Variants in CSTF1 observed in about 807,000 individuals in gnomAD.
CSTF1 encodes the protein cleavage stimulation factor subunit 1, also known as CF-1 50 kDa subunit.
A neutral mutation model predicts 40.9 loss-of-function variants in CSTF1; 2 were observed. The ratio of observed to expected loss-of-function variants is 0.05; its 90% CI spans 0.02 to 0.15. CSTF1 has a LOEUF of 0.15. Among genes scored for constraint, CSTF1 ranks in the 10% least tolerant of loss-of-function variants. CSTF1 has a pLI of 1.00. For synonymous variants in CSTF1, 218 were observed against 207.2 expected, an observed-to-expected ratio of 1.05 and a Z score of -0.45; for missense variants, 279 against 558.9, an observed-to-expected ratio of 0.50 and a Z score of 5.05.
chr20:56,397,976 A>G lies in CSTF1; in HGVS notation c.645+135A>G, dbSNP rs187829047. Reference sequence around the variant, plus strand: ...CAGACCAGGATGCATGCCCGATGGCACATGGATCAGATTTTGTTGGCACAT... The same window carrying G: ...CAGACCAGGATGCATGCCCGATGGCGCATGGATCAGATTTTGTTGGCACAT... On this transcript the variant is annotated intron_variant, in intron 4 of 5. Coordinates refer to ENST00000217109, the MANE Select transcript of CSTF1 (RefSeq NM_001324.3). This position sits in a 1 kb window ranked among gnomAD's most constrained non-coding sequence, Gnocchi z 4.4. 1.3e-5 allele frequency: 9 copies of G among 691,472 alleles called. No homozygotes were observed. Among genetic ancestry groups the G allele is most frequent in the Admixed American group, 2.8e-5 (1 of 35,982 alleles). The allele number at this position is 691,472 out of a possible 1,614,324, so 42.8% of individuals were successfully genotyped here. A position where few individuals can be genotyped will look rare whatever the true frequency, so the allele number is the denominator to read the frequency against.
At position 56,397,860 on chromosome 20, in the gene CSTF1, G is replaced by A. The variant is rs1987563099; in HGVS notation, c.645+19G>A. On this transcript the variant is annotated intron_variant, in intron 4 of 5. Transcript: ENST00000217109. The surrounding 1 kb of genome is among the most constrained non-coding windows in gnomAD (Gnocchi z 4.4). The stretch of plus-strand genomic sequence containing the variant: ...CATTCAGGTAGGAATCTTTAGAAAG[G>A]AGCTTTACATTTTTTCTTAAATACA... 2 of 1,571,286 alleles carry A rather than the reference G, an allele frequency of 1.3e-6. No homozygotes were observed. Among genetic ancestry groups the A allele is most frequent in the East Asian group, 4.5e-5 (2 of 44,690 alleles).
intron 4 of CSTF1, among the ~76,000 whole-genome samples, chr20:56,398,673 A>G (rs998806086): frequency 3.3e-5 from 5 of 152,332 alleles, no homozygotes; most frequent in Non-Finnish European, 4.4e-5. Context: ...ACCATGCATG[A>G]ATGTGTCATT....
In CSTF1 at chr20:56,403,708, G is replaced by T; in HGVS notation, c.1277G>T (p.Arg426Leu). 6.2e-7 allele frequency: 1 copy of T among 1,613,016 alleles called. No homozygotes were observed. The highest frequency in any genetic ancestry group is 8.5e-7 in the Non-Finnish European group (1 of 1,179,134). Residue 426 changes from arginine to leucine, a missense_variant, in exon 6 of 6, where the codon CGG becomes CTG. Coordinates refer to ENST00000217109, the MANE Select transcript of CSTF1 (RefSeq NM_001324.3). Reference sequence around the variant, plus strand: ...GACTTCAGAGCGCGGTTTTGGTACCGGAGATCGACCACTGACTGAGCCACC... The same window carrying T: ...GACTTCAGAGCGCGGTTTTGGTACCTGAGATCGACCACTGACTGAGCCACC... ...SDDFRARFWY[R>L]RSTTD
chr20:56,392,598 G>T (rs1025043178), upstream of CSTF1: 3 of 152,318 alleles, frequency 2.0e-5, no homozygotes, highest in African/African-American at 7.2e-5. Context: ...GCAGCGGTCG[G>T]CTTGGCGCCC....
chr20:56,393,698 A>G (rs2146239611), intron 1 of CSTF1, among the ~76,000 whole-genome samples: 1 of 151,952 alleles, frequency 6.6e-6, no homozygotes, highest in South Asian at 2.1e-4. Context: ...CGGTGAACGG[A>G]GGAAATGTAT....
In CSTF1 at chr20:56,403,747, T is replaced by G. The variant is rs779791984; in HGVS notation, c.*20T>G. On this transcript the variant is annotated 3_prime_UTR_variant, in exon 6 of 6. Transcript: ENST00000217109. ...GACTGAGCCACCCTCTCCGTAGGGT[T>G]CTTTCTCGAGGACTCTACCCTCCTC... is the stretch of plus-strand genomic sequence containing the variant. 3.8e-6 allele frequency: 6 copies of G among 1,598,888 alleles called. No homozygotes were observed. Among genetic ancestry groups the G allele is most frequent in the Non-Finnish European group, 5.1e-6 (6 of 1,168,742 alleles).
intron 2 of CSTF1, among the ~76,000 whole-genome samples, chr20:56,396,563 C>G (rs943496565): frequency 6.6e-6 from 1 of 151,962 alleles, no homozygotes. Flanking sequence ...ATAAAACAGC[C>G]GTGCACGGGG....
Position 56,402,803 on chromosome 20 carries a change from T to A in CSTF1, c.1037-665T>A, listed in dbSNP as rs146726164. 4.2e-3 allele frequency among the ~76,000 whole-genome samples: 639 copies of A among 151,912 alleles called. 3 individuals carry two copies. The highest frequency in any genetic ancestry group is 0.015 in the African/African-American group (620 of 41,424). On this transcript the variant is annotated intron_variant, in intron 5 of 5. Transcript: ENST00000217109. ...TACAAAAATTGGCTGGGTGTGGTGG[T>A]GTCCACCTGTAGTCCCAGCTACTTG...
chr20:56,397,950 A>G lies in CSTF1; in HGVS notation c.645+109A>G. On this transcript the variant is annotated intron_variant, in intron 4 of 5. Transcript: ENST00000217109. The surrounding 1 kb of genome is among the most constrained non-coding windows in gnomAD (Gnocchi z 4.4). ...TCAGTGATCATCCTGTAAGATGCGT[A>G]CAGACCAGGATGCATGCCCGATGGC... 1.1e-6 allele frequency: 1 copy of G among 876,918 alleles called. No individual in the cohort carries two copies. The highest frequency in any genetic ancestry group is 2.3e-5 in the Admixed American group (1 of 43,190). 54.3% of individuals were successfully genotyped at this position (876,918 alleles called of 1,614,324 possible).
intron 2 of CSTF1, among the ~76,000 whole-genome samples, chr20:56,396,273 G>A (rs564765869): frequency 1.3e-5 from 2 of 152,286 alleles, no homozygotes; most frequent in East Asian, 3.9e-4. Flanking sequence ...GCTAATAATA[G>A]AAAGCACTCA....
At chr20:56,395,796 T>G in intron 2 of CSTF1, 75 bp downstream of exon 2, 7 of 1,520,242 alleles carry the variant, frequency 4.6e-6, no homozygotes, top group Non-Finnish European at 6.3e-6. Flanking sequence ...TTTTTCAAGA[T>G]TATTCTTGTT....
At chr20:56,398,562 C>A (rs1174848978) in intron 4 of CSTF1, among the ~76,000 whole-genome samples, 6 of 152,114 alleles carry the variant, frequency 3.9e-5, no homozygotes, top group African/African-American at 7.2e-5. Flanking sequence ...CAGAGCAAGA[C>A]CCTGTCTGAA....
chr20:56,396,711 A>G (rs1271016032), intron 2 of CSTF1, among the ~76,000 whole-genome samples: 1 of 152,192 alleles, frequency 6.6e-6, no homozygotes, highest in Non-Finnish European at 1.5e-5. Context: ...TGATTTGTCA[A>G]GTTATTTATA....
At chr20:56,393,228 C>T (rs772943267) in intron 1 of CSTF1, among the ~76,000 whole-genome samples, 2 of 151,100 alleles carry the variant, frequency 1.3e-5, no homozygotes, top group Non-Finnish European at 2.9e-5. Context: ...GTGAAGAGAC[C>T]GGATAGAACA....
At position 56,403,937 on chromosome 20, in the gene CSTF1, C is replaced by T. The variant is rs531073440; in HGVS notation, c.*210C>T. On this transcript the variant is annotated 3_prime_UTR_variant, in exon 6 of 6. Transcript: ENST00000217109. ...GGAAACACAGATCTGTGCAGTTCTA[C>T]ATTCACTGATTATTACAGTGTGATT... 2 of 550,720 alleles carry T rather than the reference C, an allele frequency of 3.6e-6. No homozygotes were observed. The highest frequency in any genetic ancestry group is 3.7e-5 in the African/African-American group (2 of 53,534). 34.1% of individuals were successfully genotyped at this position (550,720 alleles called of 1,614,324 possible). A position where few individuals can be genotyped will look rare whatever the true frequency, so the allele number is the denominator to read the frequency against.
chr20:56,400,673 C>G (rs570763344), intron 5 of CSTF1, among the ~76,000 whole-genome samples: 7 of 152,262 alleles, frequency 4.6e-5, no homozygotes, highest in South Asian at 4.1e-4. Flanking sequence ...TCCCCTTTTC[C>G]TTTTTTCTCA....
Position 56,397,484 on chromosome 20 carries a change from G to T in CSTF1, c.447G>T (p.Glu149Asp). 6.2e-7 allele frequency: 1 copy of T among 1,612,000 alleles called. No homozygotes were observed. The highest frequency in any genetic ancestry group is 8.5e-7 in the Non-Finnish European group (1 of 1,179,034). The change falls in exon 3 of 6, where the codon GAG (glutamate) becomes GAT (aspartate). Residue 149 changes from glutamate to aspartate, a missense_variant and splice_region_variant. Glu to Asp is a conservative substitution (Grantham distance 45). This residue lies in a region of CSTF1 where 66 missense variants were observed against 148.0 expected (regional missense o/e 0.45). Coordinates refer to ENST00000217109, the MANE Select transcript of CSTF1 (RefSeq NM_001324.3). The surrounding 1 kb of genome is among the most constrained non-coding windows in gnomAD (Gnocchi z 4.4). ...RMLAKSAMPI[E>D]VMMNETAQQN... ...TGGCCAAAAGTGCCATGCCAATAGA[G>T]GTAAAAATTCCAGTCACATACTTAT...
intron 1 of CSTF1, among the ~76,000 whole-genome samples, chr20:56,393,103 G>A (rs6064387): frequency 0.48 from 71,553 of 150,276 alleles, 17,450 homozygotes; most frequent in East Asian, 0.85. Flanking sequence ...AGAAGTTAGG[G>A]GTGGGCCACT....
rs1978680216 is a variant in CSTF1 at position 56,405,746 on chromosome 20, C to T, written c.*2019C>T. ...TTCTTTGATATTTGAACTTGGCCAT[C>T]TGTGGGTGCTACTCTCGTAAGACTA... On this transcript the variant is annotated 3_prime_UTR_variant, in exon 6 of 6. Coordinates refer to ENST00000217109, the MANE Select transcript of CSTF1 (RefSeq NM_001324.3). The T allele has an allele frequency of 1.3e-5, 2 of 152,202 alleles. No individual in the cohort carries two copies. The allele number at this position is 152,202 out of a possible 1,614,324, so 9.4% of individuals were successfully genotyped here. A position where few individuals can be genotyped will look rare whatever the true frequency, so the allele number is the denominator to read the frequency against.
Sources: gnomAD v4.1 joint callset for allele counts (sites outside exome capture counted in the v4.1 genomes callset) on GRCh38, gnomAD v4.1.1 for gene constraint, gnomAD v4.1.1 regional missense constraint, Gnocchi (gnomAD v3.1) non-coding constraint, MANE v1.5 for transcripts, NCBI Gene and HGNC (gene_info 2026-07-23, HGNC 2026-07-21) for gene names.